The following TUSC3 variants were observed in gnomAD, a reference collection of about 807,000 sequenced individuals.
TUSC3 encodes dolichyl-diphosphooligosaccharide--protein glycosyltransferase subunit TUSC3.
A neutral mutation model predicts 44.8 loss-of-function variants in TUSC3; 45 were observed. That is an observed-to-expected ratio of 1.00 (90% CI 0.79 to 1.29). The LOEUF (loss-of-function observed/expected upper bound fraction) is 1.29, where lower values mean the gene tolerates loss of function less well. TUSC3 is among the 50% of genes most tolerant of loss of function. The pLI is 0.00. For missense variants in TUSC3, 519 were observed against 437.9 expected (o/e 1.19, Z -1.65); for synonymous variants, 212 against 152.9 (o/e 1.39, Z -2.85).
chr8:15,490,219 C>A (rs1303065652), intron 2 of TUSC3, among the ~76,000 whole-genome samples: 1 of 152,126 alleles, frequency 6.6e-6, no homozygotes, highest in Non-Finnish European at 1.5e-5. Flanking sequence ...GAAGCCATCA[C>A]CATCTCTAGA....
At chr8:15,577,433 T>G (rs1308431776) in intron 1 of TUSC3, among the ~76,000 whole-genome samples, 3 of 151,786 alleles carry the variant, frequency 2.0e-5, no homozygotes, top group Admixed American at 2.0e-4. Context: ...CTTCTAGGGT[T>G]TTTATGGTTT....
chr8:15,477,801 T>C (rs187176387), intron 1 of TUSC3, among the ~76,000 whole-genome samples: 51 of 152,304 alleles, frequency 3.3e-4, no homozygotes, highest in African/African-American at 1.2e-3. Context: ...TGTCAAAGAA[T>C]TCTACATGTG....
chr8:15,514,630 T>C (rs1044126201), intron 2 of TUSC3, among the ~76,000 whole-genome samples: 18 of 152,244 alleles, frequency 1.2e-4, no homozygotes, highest in African/African-American at 4.8e-5. Flanking sequence ...GGTTTGGCTT[T>C]TGATATGGAA....
At chr8:15,617,132 G>GTGTGTGTGTGTGTATA (rs375212684) in intron 1 of TUSC3, among the ~76,000 whole-genome samples, 5 of 77,644 alleles carry the variant, frequency 6.4e-5, no homozygotes, top group African/African-American at 1.7e-4. Flanking sequence ...GTGTGTGTGT[G>GTGTGTGTGTGTGTATA]TATATATTTT....
intron 2 of TUSC3, among the ~76,000 whole-genome samples, chr8:15,628,004 G>A (rs983046410): frequency 8.5e-5 from 13 of 152,270 alleles, no homozygotes; most frequent in South Asian, 2.1e-4. Context: ...CAAGGATCCC[G>A]TAACATTAAG....
At chr8:15,736,986 T>G (rs953623126) in intron 7 of TUSC3, among the ~76,000 whole-genome samples, 3 of 152,124 alleles carry the variant, frequency 2.0e-5, no homozygotes, top group African/African-American at 7.2e-5. Flanking sequence ...GTAAAATTAT[T>G]TATATAAAAG....
In TUSC3 at chr8:15,593,644, A is replaced by G. The variant is rs117737371; in HGVS notation, c.139-29436A>G. On this transcript the variant is annotated intron_variant, in intron 1 of 10. Coordinates refer to ENST00000503731, the MANE Select transcript of TUSC3 (RefSeq NM_006765.4). ...TACAATTGTAATCCGCATAGCCATA[A>G]TTTTTCCCTCATAAGTCTGTTATCT... 5.8e-3 allele frequency among the ~76,000 whole-genome samples: 885 copies of G among 152,138 alleles called. 7 individuals are homozygous for G. Among genetic ancestry groups the G allele is most frequent in the Non-Finnish European group, 9.2e-3 (628 of 67,986 alleles).
the TUSC3 span, among the ~76,000 whole-genome samples, chr8:15,799,585 G>T: frequency 6.6e-6 from 1 of 152,142 alleles, no homozygotes; most frequent in Non-Finnish European, 1.5e-5. Context: ...CAGTGGTGAA[G>T]TACTATTTAT....
chr8:15,694,765 G>C (rs955650458), intron 6 of TUSC3, among the ~76,000 whole-genome samples: 1 of 152,186 alleles, frequency 6.6e-6, no homozygotes, highest in African/African-American at 2.4e-5. Flanking sequence ...TCAGGCCCTA[G>C]CTTTGTTCTC....
At chr8:15,618,933 G>C (rs1203700018) in intron 1 of TUSC3, among the ~76,000 whole-genome samples, 2 of 152,094 alleles carry the variant, frequency 1.3e-5, no homozygotes, top group Non-Finnish European at 2.9e-5. Flanking sequence ...TATGGAGTCT[G>C]TTGTTAAGTG....
intron 3 of TUSC3, among the ~76,000 whole-genome samples, chr8:15,656,135 C>T (rs1183133410): frequency 6.6e-6 from 1 of 152,004 alleles, no homozygotes; most frequent in Non-Finnish European, 1.5e-5. Flanking sequence ...GAGTAAAAAA[C>T]ATTCAAACCA....
chr8:15,612,829 G>A (rs186061736), intron 1 of TUSC3, among the ~76,000 whole-genome samples: 13 of 151,988 alleles, frequency 8.6e-5, no homozygotes, highest in African/African-American at 3.1e-4. Context: ...ATCTTGGACT[G>A]TATGTCCCAT....
At chr8:15,554,163 A>AC (rs1554513503) in intron 1 of TUSC3, among the ~76,000 whole-genome samples, 1 of 151,334 alleles carries the variant, frequency 6.6e-6, no homozygotes, top group African/African-American at 2.4e-5. Flanking sequence ...ATCTCTTCAA[A>AC]CCCCACCTTC....
the TUSC3 span, among the ~76,000 whole-genome samples, chr8:15,823,823 T>C: frequency 1.3e-5 from 2 of 152,144 alleles, no homozygotes; most frequent in African/African-American, 4.8e-5. Flanking sequence ...ACCTGTCTTA[T>C]TGGTATATGA....
the TUSC3 span, among the ~76,000 whole-genome samples, chr8:15,773,164 C>T: frequency 5.3e-5 from 8 of 152,130 alleles, no homozygotes; most frequent in East Asian, 1.5e-3. Context: ...AAAAAGACAA[C>T]CAAATTGGAA....
chr8:15,554,099 C>T (rs10094534), intron 1 of TUSC3, among the ~76,000 whole-genome samples: 29,841 of 151,332 alleles, frequency 0.2, 3,367 homozygotes, highest in South Asian at 0.25. Flanking sequence ...TCTGTCTTCA[C>T]ATGATTCAAG....
At chr8:15,558,465 C>G (rs1259299451) in intron 1 of TUSC3, among the ~76,000 whole-genome samples, 2 of 63,374 alleles carry the variant, frequency 3.2e-5, no homozygotes, top group East Asian at 5.1e-4. Context: ...GTCTAAAATT[C>G]TCTTTTTTTG....
chr8:15,773,059 C>T, the TUSC3 span, among the ~76,000 whole-genome samples: 10 of 141,116 alleles, frequency 7.1e-5, no homozygotes, highest in Admixed American at 2.2e-4. Flanking sequence ...AAAACTTTCC[C>T]CCTGAAATCA....
the TUSC3 span, among the ~76,000 whole-genome samples, chr8:15,834,019 A>G: frequency 6.6e-6 from 1 of 152,082 alleles, no homozygotes; most frequent in East Asian, 2.0e-4. Flanking sequence ...TTTCAGTTCA[A>G]TTTGTCTATC....
Sources: allele counts gnomAD v4.1 joint callset (sites outside exome capture counted in the v4.1 genomes callset), GRCh38; gene constraint gnomAD v4.1.1; transcripts MANE v1.5; gene names NCBI Gene and HGNC (gene_info 2026-07-23, HGNC 2026-07-21).